The following SHC3 variants were observed in gnomAD, a reference collection of about 807,000 sequenced individuals.
SHC3 encodes SHC adaptor protein 3, also known as SHC-transforming protein 3.
Under a neutral mutation model 60.4 loss-of-function variants are expected in SHC3, and 15 were observed. The ratio of observed to expected loss-of-function variants is 0.25; its 90% CI spans 0.17 to 0.38. SHC3 has a LOEUF of 0.38. SHC3 is among the 10% of genes least tolerant of loss of function. The pLI, the probability that SHC3 is intolerant of heterozygous loss-of-function variation, is 1.00. For synonymous variants in SHC3, 294 were observed against 325.9 expected (o/e 0.90, Z 1.05); for missense variants, 677 against 786.1 (o/e 0.86, Z 1.66).
chr9:89,144,900 G>A (rs576161832), intron 1 of SHC3, among the ~76,000 whole-genome samples: 5 of 151,984 alleles, frequency 3.3e-5, no homozygotes, highest in Non-Finnish European at 7.4e-5. Context: ...CACCATACAG[G>A]GCTGGCGAGG....
At chr9:89,155,522 C>G (rs1290736861) in intron 1 of SHC3, among the ~76,000 whole-genome samples, 2 of 152,120 alleles carry the variant, frequency 1.3e-5, no homozygotes, top group Non-Finnish European at 2.9e-5. Flanking sequence ...CAGCTCCATT[C>G]CATATGGAAT....
chr9:89,136,178 C>A (rs1826317228), intron 1 of SHC3, among the ~76,000 whole-genome samples: 1 of 152,090 alleles, frequency 6.6e-6, no homozygotes, highest in Non-Finnish European at 1.5e-5. Flanking sequence ...GATCTTTGTC[C>A]CTCTTCAACC....
chr9:89,109,830 C>T (rs1825920361), intron 2 of SHC3: 3 of 985,392 alleles, frequency 3.0e-6, no homozygotes, highest in African/African-American at 3.5e-5. Context: ...ATACCAAGAT[C>T]ACATGATTAC....
intron 9 of SHC3, among the ~76,000 whole-genome samples, chr9:89,044,843 A>C (rs1437833046): frequency 6.6e-6 from 1 of 152,152 alleles, no homozygotes; most frequent in Non-Finnish European, 1.5e-5. Context: ...TTAATGTGTG[A>C]TGTAGGTGCA....
At chr9:89,069,096 C>G (rs1825229504) in intron 5 of SHC3, among the ~76,000 whole-genome samples, 1 of 152,106 alleles carries the variant, frequency 6.6e-6, no homozygotes, top group South Asian at 2.1e-4. Context: ...ACCACTTAAG[C>G]CCAGAGTTTG....
At position 89,071,182 on chromosome 9, in the gene SHC3, A is replaced by G. The variant is rs754931343; in HGVS notation, c.783+17T>C. ...AATTCCCAACAAGAGCAAGAGACCA[A>G]CCCCAAGGGTACTTACCGGGTCTCC... On this transcript the variant is annotated intron_variant, in intron 5 of 11. Transcript: ENST00000375835. 1 of 1,613,710 alleles carries G rather than the reference A, an allele frequency of 6.2e-7. No individual in the cohort carries two copies. The highest frequency in any genetic ancestry group is 8.5e-7 in the Non-Finnish European group (1 of 1,179,768).
chr9:89,097,013 A>G (rs907852086), intron 2 of SHC3, among the ~76,000 whole-genome samples: 1 of 150,530 alleles, frequency 6.6e-6, no homozygotes, highest in African/African-American at 2.4e-5. Context: ...AGGGCGCTGC[A>G]GACACCAGGT....
At position 89,143,575 on chromosome 9, in the gene SHC3, C is replaced by T. The variant is rs144225223; in HGVS notation, c.475-30949G>A. ...TCAGAAGGTGAAGGGAGTTGGGAAA[C>T]GCATCATTGTAGGCAGAATTGCAGA... On this transcript the variant is annotated intron_variant, in intron 1 of 11. Transcript: ENST00000375835. Among the ~76,000 whole-genome samples the T allele has an allele frequency of 4.0e-3, 615 of 152,144 alleles. 1 individual carries two copies. Among genetic ancestry groups the T allele is most frequent in the African/African-American group, 0.014 (581 of 41,496 alleles).
At chr9:89,077,728 G>A (rs574850298) in intron 3 of SHC3, 112 bp downstream of exon 3, 50 of 1,299,128 alleles carry the variant, frequency 3.8e-5, no homozygotes, top group East Asian at 2.3e-4. Context: ...AGTAGCAAGC[G>A]CCGGGCCACA....
intron 6 of SHC3, among the ~76,000 whole-genome samples, chr9:89,059,672 G>GCA (rs1325484551): frequency 2.7e-5 from 4 of 147,774 alleles, no homozygotes; most frequent in Admixed American, 6.7e-5. Context: ...AGGACGTGGT[G>GCA]GAGGATGGTG....
chr9:89,109,549 T>G, intron 2 of SHC3: 2 of 985,504 alleles, frequency 2.0e-6, no homozygotes, highest in Non-Finnish European at 1.2e-6. Context: ...AGCTGAGTTT[T>G]GCCAAGCCTT....
chr9:89,073,914 G>A (rs1825313723), intron 4 of SHC3, among the ~76,000 whole-genome samples: 1 of 152,242 alleles, frequency 6.6e-6, no homozygotes, highest in Admixed American at 6.5e-5. Context: ...CCATGCCAGA[G>A]AAAGGCTGAG....
chr9:89,101,605 A>T (rs1445840690), intron 2 of SHC3, among the ~76,000 whole-genome samples: 1 of 148,174 alleles, frequency 6.7e-6, no homozygotes, highest in Non-Finnish European at 1.5e-5. Context: ...TGAGATTTTC[A>T]TATATATATA....
chr9:89,020,492 C>A (rs1826182127), intron 11 of SHC3, among the ~76,000 whole-genome samples: 1 of 152,110 alleles, frequency 6.6e-6, no homozygotes, highest in Non-Finnish European at 1.5e-5. Flanking sequence ...GGTGAGGGCT[C>A]CTCCTCTGGC....
At chr9:89,120,784 C>G (rs1046215269) in intron 1 of SHC3, among the ~76,000 whole-genome samples, 1 of 151,664 alleles carries the variant, frequency 6.6e-6, no homozygotes, top group Non-Finnish European at 1.5e-5. Context: ...ATCTGGAATG[C>G]CATAACCCCA....
chr9:89,045,842 A>G lies in SHC3; in HGVS notation c.1114-9T>C, dbSNP rs369242559. The G allele has an allele frequency of 1.9e-6, 3 of 1,611,124 alleles. No homozygotes were observed. The African/African-American group carries it at 4.0e-5, about 22-fold the overall frequency. On this transcript the variant is annotated splice_polypyrimidine_tract_variant and intron_variant, in intron 8 of 11. Coordinates refer to ENST00000375835, the MANE Select transcript of SHC3 (RefSeq NM_016848.6). ...TGCTCTTTTCCTGCAAACTATAGAC[A>G]CATGTAAATACACAGAATGAAAAAA...
intron 6 of SHC3, among the ~76,000 whole-genome samples, chr9:89,054,449 T>C (rs1824915712): frequency 6.6e-6 from 1 of 152,196 alleles, no homozygotes; most frequent in Non-Finnish European, 1.5e-5. Flanking sequence ...AGAAACTCAC[T>C]CCAAAACCAG....
At chr9:89,137,329 A>C (rs1826333631) in intron 1 of SHC3, among the ~76,000 whole-genome samples, 1 of 152,148 alleles carries the variant, frequency 6.6e-6, no homozygotes, top group African/African-American at 2.4e-5. Context: ...CTTAAGTTTC[A>C]GTGTGTTTTA....
intron 4 of SHC3, among the ~76,000 whole-genome samples, chr9:89,072,204 G>T (rs1825285266): frequency 6.6e-6 from 1 of 152,132 alleles, no homozygotes; most frequent in South Asian, 2.1e-4. Context: ...CTCAATAAAA[G>T]TCTGACCTTG....
Sources: allele counts gnomAD v4.1 joint callset (sites outside exome capture counted in the v4.1 genomes callset), GRCh38; gene constraint gnomAD v4.1.1; transcripts MANE v1.5; gene names NCBI Gene and HGNC (gene_info 2026-07-23, HGNC 2026-07-21).